The following IDE variants were observed in gnomAD, a reference collection of about 807,000 sequenced individuals.
IDE encodes insulin degrading enzyme.
A neutral mutation model predicts 133.2 loss-of-function variants in IDE; 58 were observed. That is an observed-to-expected ratio of 0.44 (90% CI 0.35 to 0.54). The LOEUF (loss-of-function observed/expected upper bound fraction) is 0.54. Among genes scored for constraint, IDE ranks in the 20% least tolerant of loss-of-function variants. IDE has a pLI of 0.00. For synonymous variants in IDE, 396 were observed against 421.3 expected, an observed-to-expected ratio of 0.94 and a Z score of 0.73; for missense variants, 981 against 1,234.0, an observed-to-expected ratio of 0.79 and a Z score of 3.07.
chr10:92,540,472 A>G (rs1236911202), intron 1 of IDE, among the ~76,000 whole-genome samples: 1 of 152,234 alleles, frequency 6.6e-6, no homozygotes, highest in Non-Finnish European at 1.5e-5. Flanking sequence ...GGGCAGTGTT[A>G]AAACGGCAGT....
chr10:92,531,815 G>A lies in IDE; in HGVS notation c.594C>T (p.Ala198=), dbSNP rs1849939963. 1 of 1,610,048 alleles carries A rather than the reference G, an allele frequency of 6.2e-7. No homozygotes were observed. The highest frequency in any genetic ancestry group is 8.5e-7 in the Non-Finnish European group (1 of 1,177,418). Residue 198 remains alanine (A), a synonymous_variant, in exon 4 of 25, where the codon GCC becomes GCT. Transcript: ENST00000265986. The stretch of plus-strand genomic sequence containing the variant: ...CTTTTTCCAATTGAAAGAGTCTCCA[G>A]GCATCATTCATCACATTCTTCTCAT... ...SEHEKNVMND[A]WRLFQLEKAT...
chr10:92,563,225 T>G (rs997392069), intron 1 of IDE, among the ~76,000 whole-genome samples: 2 of 151,802 alleles, frequency 1.3e-5, no homozygotes, highest in Admixed American at 1.3e-4. Context: ...CACTCCAGCC[T>G]GGGCAACAAG....
intron 2 of IDE, among the ~76,000 whole-genome samples, chr10:92,536,023 G>A (rs1363315703): frequency 4.0e-5 from 6 of 150,260 alleles, no homozygotes; most frequent in African/African-American, 7.4e-5. Flanking sequence ...GCAACAGAGT[G>A]AGACTCTGTC....
At chr10:92,521,822 G>A (rs1589466088) in intron 4 of IDE, among the ~76,000 whole-genome samples, 1 of 151,782 alleles carries the variant, frequency 6.6e-6, no homozygotes, top group East Asian at 1.9e-4. Context: ...AACACTAACT[G>A]GATATTTGAT....
intron 11 of IDE, among the ~76,000 whole-genome samples, chr10:92,492,812 A>T (rs779145923): frequency 1.3e-5 from 2 of 152,000 alleles, no homozygotes; most frequent in Non-Finnish European, 2.9e-5. Context: ...AACCTCCCCA[A>T]CTTCAACGCT....
At chr10:92,516,455 C>G (rs1455217616) in intron 4 of IDE, among the ~76,000 whole-genome samples, 1 of 152,188 alleles carries the variant, frequency 6.6e-6, no homozygotes, top group East Asian at 1.9e-4. Flanking sequence ...GATTGTACCA[C>G]TGCACTCCTG....
chr10:92,557,821 C>T (rs1016659827), intron 1 of IDE, among the ~76,000 whole-genome samples: 5 of 130,964 alleles, frequency 3.8e-5, no homozygotes, highest in Non-Finnish European at 4.6e-5. Flanking sequence ...ACCTGGGAGG[C>T]GGAGGTTGCA....
intron 15 of IDE, chr10:92,478,523 A>G (rs1846409041): frequency 2.2e-6 from 1 of 454,006 alleles, no homozygotes; most frequent in Admixed American, 5.4e-5. Flanking sequence ...TGATCATCAA[A>G]AAGATGCAAG....
At chr10:92,512,420 T>C (rs942918696) in intron 5 of IDE, among the ~76,000 whole-genome samples, 4 of 152,226 alleles carry the variant, frequency 2.6e-5, no homozygotes, top group Non-Finnish European at 5.9e-5. Context: ...CTTTATTTTT[T>C]AGATTCTTAT....
Position 92,573,878 on chromosome 10 carries a change from G to C in IDE, c.98+44C>G, listed in dbSNP as rs201414078. Reference sequence around the variant, plus strand: ...TTTGCAACCCGAGCGCCAAACCGCTGTGACCCACGGGGCCCGAGGGCCCGG... The same window carrying C: ...TTTGCAACCCGAGCGCCAAACCGCTCTGACCCACGGGGCCCGAGGGCCCGG... On this transcript the variant is annotated intron_variant, in intron 1 of 24. Transcript: ENST00000265986. 4 of 1,342,902 alleles carry C rather than the reference G, an allele frequency of 3.0e-6. No homozygotes were observed. The East Asian group carries it at 1.2e-4, about 42-fold the overall frequency. The allele number at this position is 1,342,902 out of a possible 1,614,324, so 83.2% of individuals were successfully genotyped here.
intron 4 of IDE, among the ~76,000 whole-genome samples, chr10:92,515,634 T>C (rs1046246926): frequency 2.1e-5 from 3 of 144,212 alleles, no homozygotes; most frequent in Non-Finnish European, 4.5e-5. Flanking sequence ...TGATCTCGGC[T>C]CACCCCAACC....
At chr10:92,514,813 T>C (rs959083078) in intron 5 of IDE, 107 bp downstream of exon 5, 5 of 829,104 alleles carry the variant, frequency 6.0e-6, no homozygotes, top group African/African-American at 5.1e-5. Context: ...CAAAAGATGC[T>C]GAGCAAATAA....
intron 4 of IDE, among the ~76,000 whole-genome samples, chr10:92,516,413 G>C (rs1201095592): frequency 1.3e-5 from 2 of 152,116 alleles, no homozygotes; most frequent in South Asian, 4.2e-4. Context: ...AGAATCACTT[G>C]AACCCAGGAG....
chr10:92,469,087 A>C, intron 18 of IDE, 97 bp from the exon 19 acceptor site: 1 of 686,082 alleles, frequency 1.5e-6, no homozygotes, highest in Non-Finnish European at 2.6e-6. Context: ...TGGATTCTAA[A>C]ACCTTAAATA....
At chr10:92,532,237 T>C (rs1406314728) in intron 3 of IDE, among the ~76,000 whole-genome samples, 1 of 129,906 alleles carries the variant, frequency 7.7e-6, no homozygotes, top group African/African-American at 2.9e-5. Context: ...GGTACGTCTA[T>C]AAAAACTTTG....
At chr10:92,513,377 G>C (rs1287329246) in intron 5 of IDE, among the ~76,000 whole-genome samples, 1 of 152,134 alleles carries the variant, frequency 6.6e-6, no homozygotes, top group Non-Finnish European at 1.5e-5. Flanking sequence ...ATTTTTAGTA[G>C]AGATGGGGTT....
chr10:92,497,421 A>C (rs1847769852), intron 11 of IDE, among the ~76,000 whole-genome samples: 1 of 152,188 alleles, frequency 6.6e-6, no homozygotes, highest in Non-Finnish European at 1.5e-5. Context: ...CTTAGCTGGG[A>C]TACTGCAGAA....
At chr10:92,471,610 A>AC (rs1236702227) in intron 17 of IDE, among the ~76,000 whole-genome samples, 1 of 152,000 alleles carries the variant, frequency 6.6e-6, no homozygotes, top group Admixed American at 6.6e-5. Flanking sequence ...CACAATACTT[A>AC]CCCCCTTGTC....
At chr10:92,531,073 A>G (rs1849896537) in intron 4 of IDE, among the ~76,000 whole-genome samples, 1 of 152,222 alleles carries the variant, frequency 6.6e-6, no homozygotes. Flanking sequence ...TCTGGTGAGC[A>G]TGACTGGCAG....
Sources: allele counts gnomAD v4.1 joint callset (sites outside exome capture counted in the v4.1 genomes callset), GRCh38; gene constraint gnomAD v4.1.1; transcripts MANE v1.5; gene names NCBI Gene and HGNC (gene_info 2026-07-23, HGNC 2026-07-21).